Variants in PCDH7 observed in about 807,000 individuals in gnomAD.
PCDH7 encodes protocadherin 7, also known as protocadherin-7.
In PCDH7, 17 loss-of-function variants were observed where a neutral mutation model predicts 58.9. The ratio of observed to expected loss-of-function variants is 0.29; its 90% CI spans 0.20 to 0.43. The LOEUF (loss-of-function observed/expected upper bound fraction) is 0.43, where lower values mean the gene tolerates loss of function less well. Among genes scored for constraint, PCDH7 ranks in the 20% least tolerant of loss-of-function variants. The pLI is 1.00. For synonymous variants in PCDH7, 664 were observed against 616.4 expected (o/e 1.08, Z -1.14); for missense variants, 1,274 against 1,441.0 (o/e 0.88, Z 1.88).
chr4:30,850,833 G>A (rs899363048), intron 1 of PCDH7, among the ~76,000 whole-genome samples: 1 of 152,026 alleles, frequency 6.6e-6, no homozygotes, highest in East Asian at 1.9e-4. Context: ...GGCTCCATGA[G>A]GACTTCTTGA....
At chr4:30,735,026 C>T (rs1044336875), downstream of PCDH7, among the ~76,000 whole-genome samples, 11 of 152,024 alleles carry the variant, frequency 7.2e-5, no homozygotes, top group Non-Finnish European at 1.6e-4. Flanking sequence ...CCTTCTTCTC[C>T]TTGGTGGTGT....
At chr4:30,853,821 T>A (rs1378352968) in intron 1 of PCDH7, among the ~76,000 whole-genome samples, 1 of 152,098 alleles carries the variant, frequency 6.6e-6, no homozygotes, top group African/African-American at 2.4e-5. Flanking sequence ...AGCCAGGATT[T>A]TTTTAAAGCC....
chr4:31,017,816 T>C (rs988019060), intron 3 of PCDH7, among the ~76,000 whole-genome samples: 2 of 152,152 alleles, frequency 1.3e-5, no homozygotes, highest in Non-Finnish European at 2.9e-5. Context: ...TGAATATAGA[T>C]ACAATGATGA....
intron 1 of PCDH7, among the ~76,000 whole-genome samples, chr4:30,767,041 CT>C (rs1028736053): frequency 4.7e-5 from 7 of 149,818 alleles, no homozygotes; most frequent in East Asian, 3.9e-4. Context: ...ATATCTGATA[CT>C]TTTTTTTTTC....
chr4:30,990,689 A>G (rs530785160), intron 3 of PCDH7, among the ~76,000 whole-genome samples: 3 of 152,268 alleles, frequency 2.0e-5, no homozygotes, highest in African/African-American at 7.2e-5. Flanking sequence ...TATGAAAATC[A>G]TTAATGCTAT....
chr4:30,999,417 T>G (rs1387504055), intron 3 of PCDH7, among the ~76,000 whole-genome samples: 4 of 152,232 alleles, frequency 2.6e-5, no homozygotes, highest in Non-Finnish European at 5.9e-5. Flanking sequence ...AAAAATTTGG[T>G]GGAGAAGAGG....
chr4:30,791,721 G>A (rs1196125687), intron 1 of PCDH7, among the ~76,000 whole-genome samples: 1 of 152,212 alleles, frequency 6.6e-6, no homozygotes, highest in Admixed American at 6.5e-5. Flanking sequence ...TCTGTGAGCT[G>A]TAATTTTTTC....
At chr4:30,968,376 C>CACTATATATA in intron 3 of PCDH7, among the ~76,000 whole-genome samples, 1 of 67,056 alleles carries the variant, frequency 1.5e-5, no homozygotes, top group South Asian at 5.1e-4. Flanking sequence ...TATACACACA[C>CACTATATATA]TATATATATA....
At chr4:30,840,332 A>G (rs1039845349) in intron 1 of PCDH7, among the ~76,000 whole-genome samples, 2 of 152,054 alleles carry the variant, frequency 1.3e-5, no homozygotes, top group Non-Finnish European at 2.9e-5. Context: ...TGGACTTGGC[A>G]GGAATGCCTT....
At chr4:30,863,982 C>G (rs751212563) in intron 1 of PCDH7, among the ~76,000 whole-genome samples, 2 of 152,070 alleles carry the variant, frequency 1.3e-5, no homozygotes, top group African/African-American at 2.4e-5. Context: ...CACAAAATAG[C>G]TAGAGCGCAT....
chr4:31,023,274 A>G (rs184596408), intron 3 of PCDH7, among the ~76,000 whole-genome samples: 13 of 152,312 alleles, frequency 8.5e-5, no homozygotes, highest in Non-Finnish European at 1.8e-4. Context: ...GAAGCTGGTT[A>G]TGGTTTAAAG....
At chr4:30,737,600 C>A (rs149820415), downstream of PCDH7, among the ~76,000 whole-genome samples, 1 of 152,186 alleles carries the variant, frequency 6.6e-6, no homozygotes, top group Non-Finnish European at 1.5e-5. Context: ...GTGATAGCTT[C>A]TTATCCTAGT....
intron 3 of PCDH7, among the ~76,000 whole-genome samples, chr4:30,977,131 C>T (rs1750141858): frequency 6.6e-6 from 1 of 152,130 alleles, no homozygotes; most frequent in South Asian, 2.1e-4. Flanking sequence ...TAAAAGCCTT[C>T]TATATACAAC....
At chr4:30,762,806 T>G (rs533328015) in intron 1 of PCDH7, among the ~76,000 whole-genome samples, 3 of 152,168 alleles carry the variant, frequency 2.0e-5, no homozygotes, top group African/African-American at 7.2e-5. Flanking sequence ...ACAAACATGG[T>G]ATTTCTCCCA....
chr4:30,964,676 A>C (rs1404093599), intron 3 of PCDH7, among the ~76,000 whole-genome samples: 1 of 150,164 alleles, frequency 6.7e-6, no homozygotes, highest in African/African-American at 2.5e-5. Context: ...ACAGTTTCAG[A>C]GCTTTGGACA....
intron 1 of PCDH7, among the ~76,000 whole-genome samples, chr4:30,906,176 G>A (rs1740892523): frequency 6.6e-6 from 1 of 152,146 alleles, no homozygotes; most frequent in Non-Finnish European, 1.5e-5. Context: ...TTCTCAATAA[G>A]TGAACAAAGT....
At chr4:30,824,123 C>CTTTCTTTCTTTT (rs1560407860) in intron 1 of PCDH7, among the ~76,000 whole-genome samples, 1 of 144,592 alleles carries the variant, frequency 6.9e-6, no homozygotes, top group African/African-American at 2.6e-5. Context: ...TTCTTTCTTT[C>CTTTCTTTCTTTT]TTTCTTTCTT....
At chr4:30,932,173 A>G (rs1274332246) in intron 2 of PCDH7, among the ~76,000 whole-genome samples, 2 of 152,184 alleles carry the variant, frequency 1.3e-5, no homozygotes, top group African/African-American at 4.8e-5. Context: ...CAAAACATAA[A>G]TCACGGAAAT....
intron 1 of PCDH7, among the ~76,000 whole-genome samples, chr4:30,830,339 G>A (rs768148451): frequency 1.9e-4 from 29 of 152,016 alleles, no homozygotes; most frequent in Admixed American, 1.3e-3. Flanking sequence ...ATCTGATAGT[G>A]TAATTAGCAA....
Sources: gnomAD v4.1 joint callset for allele counts (sites outside exome capture counted in the v4.1 genomes callset) on GRCh38, gnomAD v4.1.1 for gene constraint, MANE v1.5 for transcripts, NCBI Gene and HGNC (gene_info 2026-07-23, HGNC 2026-07-21) for gene names.